The following CNNM4 variants were observed in gnomAD, a reference collection of about 807,000 sequenced individuals.
CNNM4 encodes metal transporter CNNM4.
Under a neutral mutation model 53.7 loss-of-function variants are expected in CNNM4, and 32 were observed. That is an observed-to-expected ratio of 0.60 (90% CI 0.45 to 0.80). The LOEUF (loss-of-function observed/expected upper bound fraction) is 0.80. CNNM4 is among the 30% of genes least tolerant of loss of function. The probability of loss-of-function intolerance (pLI) is 0.00; values close to 1 mark genes in which losing one functional copy is unlikely to be tolerated. For synonymous variants in CNNM4, 410 were observed against 440.0 expected (o/e 0.93, Z 0.85); for missense variants, 784 against 1,022.0 (o/e 0.77, Z 3.17).
chr2:96,795,763 T>G (rs1418986144), intron 1 of CNNM4, among the ~76,000 whole-genome samples: 1 of 152,102 alleles, frequency 6.6e-6, no homozygotes, highest in East Asian at 1.9e-4. Context: ...GGGCCTTTCT[T>G]CCTAGGCTGC....
At position 96,761,270 on chromosome 2, in the gene CNNM4, A is replaced by T; in HGVS notation, c.271A>T (p.Ile91Phe). The change falls in exon 1 of 7, where the codon ATC (isoleucine) becomes TTC (phenylalanine). Residue 91 changes from isoleucine to phenylalanine, a missense_variant. This residue lies in a region of CNNM4 where 473 missense variants were observed against 624.6 expected (regional missense o/e 0.76). Transcript: ENST00000377075. The surrounding 1 kb of genome is among the most constrained non-coding windows in gnomAD (Gnocchi z 6.0). ...YSLGNISSNLISFTEVDDAET... is the reference protein window; with the variant it reads ...YSLGNISSNLFSFTEVDDAET... ...CCTGGGCAACATCTCCAGCAACCTG[A>T]TCTCCTTCACCGAGGTGGACGATGC... 2.5e-6 allele frequency: 4 copies of T among 1,613,998 alleles called. No homozygotes were observed. The highest frequency in any genetic ancestry group is 3.4e-6 in the Non-Finnish European group (4 of 1,179,992).
Position 96,762,014 on chromosome 2 carries a change from G to A in CNNM4, c.1015G>A (p.Glu339Lys). The A allele has an allele frequency of 3.7e-6, 6 of 1,614,160 alleles. No individual in the cohort carries two copies. The highest frequency in any genetic ancestry group is 1.3e-5 in the African/African-American group (1 of 75,048). The change falls in exon 1 of 7, where the codon GAG becomes AAG. Residue 339 changes from glutamate (E) to lysine (K), a missense_variant. Physicochemically the swap from Glu to Lys is moderately conservative, Grantham distance 56. Around this residue, in one of 3 missense-constraint regions of CNNM4, gnomAD observed 473 missense variants for 624.6 expected, o/e 0.76. Coordinates refer to ENST00000377075, the MANE Select transcript of CNNM4 (RefSeq NM_020184.4). The part of the protein sequence containing the change: ...GQEIRTVYNR[E>K]KLMEMLKVTE... ...GGAGATTCGCACTGTTTACAACCGGGAGAAGCTGATGGAGATGTTGAAGGT... is the reference window on the plus strand; with the variant it reads ...GGAGATTCGCACTGTTTACAACCGGAAGAAGCTGATGGAGATGTTGAAGGT...
Position 96,808,443 on chromosome 2 carries a change from A to C in CNNM4, c.1949-118A>C. The C allele has an allele frequency of 1.0e-6, 1 of 990,836 alleles. No homozygotes were observed. Among genetic ancestry groups the C allele is most frequent in the Admixed American group, 2.0e-5 (1 of 50,762 alleles). The allele number at this position is 990,836 out of a possible 1,614,324, so 61.4% of individuals were successfully genotyped here. ...CTACATGCTTCTGTTTGTCCCTAAG[A>C]ATGACTTCCTGTTCCTGGGTGGGGT... On this transcript the variant is annotated intron_variant, in intron 5 of 6. Transcript: ENST00000377075. The surrounding 1 kb of genome is among the most constrained non-coding windows in gnomAD (Gnocchi z 4.9).
Position 96,761,860 on chromosome 2 carries a change from T to C in CNNM4, c.861T>C (p.Pro287=). 1 of 1,614,116 alleles carries C rather than the reference T, an allele frequency of 6.2e-7. No homozygotes were observed. Among genetic ancestry groups the C allele is most frequent in the Non-Finnish European group, 8.5e-7 (1 of 1,180,008 alleles). ...TTGTCATCTTTGGGGAGATCCTACC[T>C]CAGGCCCTGTGCTCCCGACATGGGC... The part of the protein sequence containing the change: ...IGIVIFGEIL[P]QALCSRHGLA... Residue 287 remains proline, a synonymous_variant, in exon 1 of 7, where the codon CCT becomes CCC. Transcript: ENST00000377075. This position sits in a 1 kb window ranked among gnomAD's most constrained non-coding sequence, Gnocchi z 6.0.
intron 1 of CNNM4, 28 bp downstream of exon 1, chr2:96,762,429 C>A: frequency 1.2e-6 from 2 of 1,600,576 alleles, no homozygotes; most frequent in South Asian, 1.1e-5. Context: ...TCCCCTGGTT[C>A]AATTTCCTCT....
At chr2:96,770,772 A>G (rs2078862026) in intron 1 of CNNM4, among the ~76,000 whole-genome samples, 1 of 152,192 alleles carries the variant, frequency 6.6e-6, no homozygotes, top group African/African-American at 2.4e-5. Flanking sequence ...CCTTGAGGGC[A>G]GGGGCCAGCA....
intron 1 of CNNM4, among the ~76,000 whole-genome samples, chr2:96,777,821 A>G (rs1387578617): frequency 1.3e-5 from 2 of 148,630 alleles, no homozygotes; most frequent in Non-Finnish European, 3.0e-5. Context: ...TATTTTTTGT[A>G]GAGAGAGGGT....
chr2:96,776,186 C>A (rs1016589790), intron 1 of CNNM4, among the ~76,000 whole-genome samples: 1 of 152,064 alleles, frequency 6.6e-6, no homozygotes, highest in South Asian at 2.1e-4. Flanking sequence ...CACACCACCA[C>A]GCCTGGCTAA....
At chr2:96,791,027 G>A (rs1209281082) in intron 1 of CNNM4, among the ~76,000 whole-genome samples, 2 of 151,410 alleles carry the variant, frequency 1.3e-5, no homozygotes, top group Non-Finnish European at 2.9e-5. Context: ...GGCTGAGAGA[G>A]GATAATTGCT....
intron 1 of CNNM4, among the ~76,000 whole-genome samples, chr2:96,766,313 G>C (rs905054118): frequency 6.6e-6 from 1 of 151,872 alleles, no homozygotes; most frequent in African/African-American, 2.4e-5. Flanking sequence ...GACCTCAAGC[G>C]ATCTGCCCAC....
intron 1 of CNNM4, among the ~76,000 whole-genome samples, chr2:96,777,016 GTTTTC>G (rs2078930949): frequency 1.3e-5 from 2 of 151,614 alleles, no homozygotes; most frequent in African/African-American, 2.4e-5. Context: ...TGTCTTAACT[GTTTTC>G]TTTTTTTTTT....
chr2:96,808,759 C>T lies in CNNM4; in HGVS notation c.2130+17C>T. On this transcript the variant is annotated intron_variant, in intron 6 of 6. Transcript: ENST00000377075. This position sits in a 1 kb window ranked among gnomAD's most constrained non-coding sequence, Gnocchi z 4.9. ...TACATCAAGGTGAGTGCCTCACTGC[C>T]CTGTCTGGGCAGTGCTATCTTCTGC... 1 of 1,612,484 alleles carries T rather than the reference C, an allele frequency of 6.2e-7. No individual in the cohort carries two copies. The highest frequency in any genetic ancestry group is 8.5e-7 in the Non-Finnish European group (1 of 1,178,590).
Position 96,808,608 on chromosome 2 carries a change from A to G in CNNM4, c.1996A>G (p.Ser666Gly). 6.2e-7 allele frequency: 1 copy of G among 1,614,062 alleles called. No homozygotes were observed. Among genetic ancestry groups the G allele is most frequent in the Non-Finnish European group, 8.5e-7 (1 of 1,179,998 alleles). ...PTPLSRSASL[S>G]YPDRTDVSTA... is the part of the protein sequence containing the mutation. ...CCCACTCAGCCGCTCAGCCTCCCTCAGTTACCCAGACCGCACAGACGTCTC... is the reference window on the plus strand; with the variant it reads ...CCCACTCAGCCGCTCAGCCTCCCTCGGTTACCCAGACCGCACAGACGTCTC... The change falls in exon 6 of 7, where the codon AGT (serine) becomes GGT (glycine). Residue 666 changes from serine to glycine, a missense_variant. Coordinates refer to ENST00000377075, the MANE Select transcript of CNNM4 (RefSeq NM_020184.4). The surrounding 1 kb of genome is among the most constrained non-coding windows in gnomAD (Gnocchi z 4.9).
At position 96,792,307 on chromosome 2, in the gene CNNM4, G is replaced by A. The variant is rs77298272; in HGVS notation, c.1403-4705G>A. On this transcript the variant is annotated intron_variant, in intron 1 of 6. Transcript: ENST00000377075. ...AATTTTATTAGAATTTATACAATGA[G>A]AATCCTAAATATAAGCCCTAAATTG... 9.7e-3 allele frequency among the ~76,000 whole-genome samples: 1,467 copies of A among 150,790 alleles called. 20 individuals are homozygous for A. The highest frequency in any genetic ancestry group is 0.033 in the African/African-American group (1,367 of 41,068).
At chr2:96,771,961 G>C (rs566856297) in intron 1 of CNNM4, among the ~76,000 whole-genome samples, 12 of 152,236 alleles carry the variant, frequency 7.9e-5, no homozygotes, top group Middle Eastern at 6.8e-3. Flanking sequence ...TGGTGTTGCT[G>C]GAGCATTCCC....
At chr2:96,780,846 T>C (rs913691911) in intron 1 of CNNM4, among the ~76,000 whole-genome samples, 3 of 151,828 alleles carry the variant, frequency 2.0e-5, no homozygotes, top group Non-Finnish European at 2.9e-5. Context: ...CAAGCAATTC[T>C]TCTGCCTCAG....
Position 96,801,130 on chromosome 2 carries a change from C to T in CNNM4, c.1948+1482C>T. 2.0e-6 allele frequency: 2 copies of T among 985,384 alleles called. No homozygotes were observed. Among genetic ancestry groups the T allele is most frequent in the Non-Finnish European group, 2.4e-6 (2 of 829,910 alleles). 61.0% of individuals were successfully genotyped at this position (985,384 alleles called of 1,614,324 possible). ...AGCGGAACTCCCTGCTCTGCTGGCT[C>T]ACAGGTAACGTGGCACAGCTGAGGG... On this transcript the variant is annotated intron_variant, in intron 5 of 6. Transcript: ENST00000377075. This position sits in a 1 kb window ranked among gnomAD's most constrained non-coding sequence, Gnocchi z 5.6.
At chr2:96,768,637 A>G (rs1012561504) in intron 1 of CNNM4, among the ~76,000 whole-genome samples, 1 of 152,168 alleles carries the variant, frequency 6.6e-6, no homozygotes, top group Non-Finnish European at 1.5e-5. Context: ...GGACGAAGAG[A>G]CAGTTTAGTG....
At position 96,761,046 on chromosome 2, in the gene CNNM4, G is replaced by A. The variant is rs1366713398; in HGVS notation, c.47G>A (p.Arg16His). Residue 16 changes from arginine (R) to histidine (H), a missense_variant, in exon 1 of 7, where the codon CGC (arginine) becomes CAC (histidine). Physicochemically the swap from Arg to His is conservative, Grantham distance 29. Coordinates refer to ENST00000377075, the MANE Select transcript of CNNM4 (RefSeq NM_020184.4). This position sits in a 1 kb window ranked among gnomAD's most constrained non-coding sequence, Gnocchi z 6.0. The part of the protein sequence containing the change: ...GGGRPVGGPA[R>H]GRLLLAAPVL... Reference sequence around the variant, plus strand: ...GGGCGCCCGGTCGGCGGACCGGCCCGCGGGCGCCTCCTCCTGGCGGCGCCG... The same window carrying A: ...GGGCGCCCGGTCGGCGGACCGGCCCACGGGCGCCTCCTCCTGGCGGCGCCG... 4.5e-5 allele frequency: 55 copies of A among 1,233,148 alleles called. No individual in the cohort carries two copies. Among genetic ancestry groups the A allele is most frequent in the Middle Eastern group, 2.8e-4 (1 of 3,530 alleles). 76.4% of individuals were successfully genotyped at this position (1,233,148 alleles called of 1,614,324 possible).
Sources: gnomAD v4.1 joint callset for allele counts (sites outside exome capture counted in the v4.1 genomes callset) on GRCh38, gnomAD v4.1.1 for gene constraint, gnomAD v4.1.1 regional missense constraint, Gnocchi (gnomAD v3.1) non-coding constraint, MANE v1.5 for transcripts, NCBI Gene and HGNC (gene_info 2026-07-23, HGNC 2026-07-21) for gene names.